Variants in TMEM51 observed in about 807,000 individuals in gnomAD.
The protein encoded by TMEM51 is chromosome 1 open reading frame 72.
In TMEM51, 8 loss-of-function variants were observed where a neutral mutation model predicts 13.6. That is an observed-to-expected ratio of 0.59 (90% CI 0.35 to 1.07). TMEM51 has a LOEUF of 1.07. Ranked by LOEUF, TMEM51 falls within the 50% of genes least tolerant of loss-of-function variation. TMEM51 has a pLI of 0.02. For synonymous variants in TMEM51, 147 were observed against 144.4 expected (o/e 1.02, Z -0.13); for missense variants, 279 against 330.7 (o/e 0.84, Z 1.21).
intron 1 of TMEM51, among the ~76,000 whole-genome samples, chr1:15,173,689 A>G (rs899099960): frequency 6.6e-6 from 1 of 151,056 alleles, no homozygotes; most frequent in East Asian, 1.9e-4. Flanking sequence ...AAAAAAAAAA[A>G]CACAAACAAA....
In TMEM51 at chr1:15,177,943, G is replaced by A. The variant is rs1278153463; in HGVS notation, c.-267+23989G>A. On this transcript the variant is annotated intron_variant, in intron 1 of 3. Coordinates refer to ENST00000376008, the MANE Select transcript of TMEM51 (RefSeq NM_001136218.2). ...CGCGCTGATGAATCCTGGCAACTCCGTTAGGGAGACACGACTTATCAAACC... is the reference window on the plus strand; with the variant it reads ...CGCGCTGATGAATCCTGGCAACTCCATTAGGGAGACACGACTTATCAAACC... Among the ~76,000 whole-genome samples the A allele has an allele frequency of 3.3e-5, 5 of 152,204 alleles. No individual in the cohort carries two copies. In the East Asian group the frequency reaches 5.8e-4, roughly 18 times the overall value.
At chr1:15,203,400 G>A (rs575956492) in intron 1 of TMEM51, among the ~76,000 whole-genome samples, 8 of 151,268 alleles carry the variant, frequency 5.3e-5, no homozygotes, top group Non-Finnish European at 8.8e-5. Flanking sequence ...GATTACAGGC[G>A]TGCGCCACCC....
At chr1:15,203,024 T>C (rs1415823501) in intron 1 of TMEM51, among the ~76,000 whole-genome samples, 3 of 152,166 alleles carry the variant, frequency 2.0e-5, no homozygotes, top group African/African-American at 7.2e-5. Flanking sequence ...TTAGAGCAGC[T>C]ACTGTCTGCA....
At chr1:15,160,992 T>A (rs2100812644) in intron 1 of TMEM51, among the ~76,000 whole-genome samples, 1 of 151,996 alleles carries the variant, frequency 6.6e-6, no homozygotes, top group Non-Finnish European at 1.5e-5. Flanking sequence ...CAGGAAGGAT[T>A]TTCAGAAAGA....
At chr1:15,212,588 C>T (rs1557858270) in intron 2 of TMEM51, among the ~76,000 whole-genome samples, 1 of 152,226 alleles carries the variant, frequency 6.6e-6, no homozygotes, top group South Asian at 2.1e-4. Flanking sequence ...TACTTCTCCA[C>T]CCTCCGAGTC....
chr1:15,203,311 T>C (rs577737969), intron 1 of TMEM51, among the ~76,000 whole-genome samples: 2 of 152,300 alleles, frequency 1.3e-5, no homozygotes, highest in African/African-American at 4.8e-5. Flanking sequence ...TGGAGTGCAG[T>C]GGCGTGATCT....
At chr1:15,202,612 G>A (rs898453032) in intron 1 of TMEM51, among the ~76,000 whole-genome samples, 1 of 152,036 alleles carries the variant, frequency 6.6e-6, no homozygotes, top group Admixed American at 6.6e-5. Flanking sequence ...CTGCTTCCAT[G>A]ATTCCATCTC....
intron 1 of TMEM51, among the ~76,000 whole-genome samples, chr1:15,189,214 T>A (rs1203814006): frequency 1.5e-5 from 1 of 65,082 alleles, no homozygotes; most frequent in African/African-American, 7.9e-5. Flanking sequence ...TAATTTTTCC[T>A]TTTTTTTTTT....
At chr1:15,187,725 G>A (rs1231986784) in intron 1 of TMEM51, among the ~76,000 whole-genome samples, 5 of 152,148 alleles carry the variant, frequency 3.3e-5, no homozygotes, top group Non-Finnish European at 7.4e-5. Context: ...TAGGGCAGTG[G>A]CCTAGGAGAC....
At chr1:15,162,022 G>A (rs907952262) in intron 1 of TMEM51, among the ~76,000 whole-genome samples, 1 of 150,072 alleles carries the variant, frequency 6.7e-6, no homozygotes, top group Non-Finnish European at 1.5e-5. Flanking sequence ...GACAGCAGGC[G>A]TCATGTGGTG....
chr1:15,197,667 ACT>A lies in TMEM51; in HGVS notation c.-266-12818_-266-12817del, dbSNP rs888807450. 1.8e-4 allele frequency among the ~76,000 whole-genome samples: 22 copies of A among 119,828 alleles called. No homozygotes were observed. The East Asian group carries it at 6.7e-3, about 36-fold the overall frequency. 78.6% of individuals were successfully genotyped at this position (119,828 alleles called of 152,430 possible). A position where few individuals can be genotyped will look rare whatever the true frequency, so the allele number is the denominator to read the frequency against. Reference sequence around the variant, plus strand: ...CCGATTATGGGCACAGGCTCTGTGTACTCTCTTGTCGGGATGGTATCATTGTT... The same window carrying A: ...CCGATTATGGGCACAGGCTCTGTGTACTCTTGTCGGGATGGTATCATTGTT... On this transcript the variant is annotated intron_variant, in intron 1 of 3. Transcript: ENST00000376008.
intron 1 of TMEM51, among the ~76,000 whole-genome samples, chr1:15,185,762 A>C (rs2100250509): frequency 6.6e-6 from 1 of 152,324 alleles, no homozygotes; most frequent in African/African-American, 2.4e-5. Flanking sequence ...ATCTCTTTTC[A>C]CTGGCTGAAC....
intron 1 of TMEM51, among the ~76,000 whole-genome samples, chr1:15,169,409 T>G (rs7539166): frequency 0.94 from 142,937 of 152,060 alleles, 67,225 homozygotes; most frequent in East Asian, 0.99. Context: ...TTGTCTTCAG[T>G]TGAGAATTTT....
At position 15,215,025 on chromosome 1, in the gene TMEM51, A is replaced by T; in HGVS notation, c.-63A>T. 1.4e-6 allele frequency: 2 copies of T among 1,473,204 alleles called. No individual in the cohort carries two copies. The highest frequency in any genetic ancestry group is 2.0e-5 in the Admixed American group (1 of 49,902). 91.3% of individuals were successfully genotyped at this position (1,473,204 alleles called of 1,614,324 possible). A position where few individuals can be genotyped will look rare whatever the true frequency, so the allele number is the denominator to read the frequency against. Reference sequence around the variant, plus strand: ...GCGCATTTAAGGGGTTTTTGTTGTGACTGCTGCCTTGTATACATTTATTTT... The same window carrying T: ...GCGCATTTAAGGGGTTTTTGTTGTGTCTGCTGCCTTGTATACATTTATTTT... On this transcript the variant is annotated 5_prime_UTR_variant, in exon 3 of 4. The change abolishes the stop of an existing upstream ORF in the 5' untranslated region. Transcript: ENST00000376008.
chr1:15,171,145 A>G, intron 1 of TMEM51: 1 of 1,274,642 alleles, frequency 7.8e-7, no homozygotes. Context: ...CTGATTCAGT[A>G]GGTCTGAGTG....
intron 2 of TMEM51, among the ~76,000 whole-genome samples, chr1:15,214,663 G>T (rs1644394773): frequency 6.6e-6 from 1 of 152,240 alleles, no homozygotes; most frequent in Admixed American, 6.5e-5. Flanking sequence ...GGAAAGGTCT[G>T]GCTTTTCCTT....
At chr1:15,176,706 A>G (rs1643466970) in intron 1 of TMEM51, among the ~76,000 whole-genome samples, 1 of 152,216 alleles carries the variant, frequency 6.6e-6, no homozygotes, top group Non-Finnish European at 1.5e-5. Flanking sequence ...TGCATGGTCA[A>G]GGAATTAAAG....
At chr1:15,177,575 AG>A (rs1366464827) in intron 1 of TMEM51, among the ~76,000 whole-genome samples, 3 of 151,788 alleles carry the variant, frequency 2.0e-5, no homozygotes, top group African/African-American at 4.8e-5. Context: ...CACAGACTGA[AG>A]GGGGGGGCCT....
upstream of TMEM51, among the ~76,000 whole-genome samples, chr1:15,153,566 C>T (rs742674): frequency 0.12 from 18,898 of 152,106 alleles, 1,510 homozygotes; most frequent in South Asian, 0.18. Flanking sequence ...CAGCGGCATA[C>T]GCTGGGGAGT....
Sources: allele counts gnomAD v4.1 joint callset (sites outside exome capture counted in the v4.1 genomes callset), GRCh38; gene constraint gnomAD v4.1.1; transcripts MANE v1.5; gene names NCBI Gene and HGNC (gene_info 2026-07-23, HGNC 2026-07-21).